TP53BP2: variants seen among roughly 807,000 people sequenced by gnomAD.
TP53BP2 encodes the protein tumor protein p53 binding protein 2.
A neutral mutation model predicts 126.2 loss-of-function variants in TP53BP2; 62 were observed. The ratio of observed to expected loss-of-function variants is 0.49; its 90% CI spans 0.40 to 0.61. The LOEUF is 0.61. Ranked by LOEUF, TP53BP2 falls within the 20% of genes least tolerant of loss-of-function variation. The pLI is 0.00. For missense variants in TP53BP2, 1,215 were observed against 1,402.8 expected, an observed-to-expected ratio of 0.87 and a Z score of 2.14; for synonymous variants, 485 against 502.9, an observed-to-expected ratio of 0.96 and a Z score of 0.48.
rs570530658 is a variant in TP53BP2, at chr1:223,799,538, C to A, written c.1485+361G>T. On this transcript the variant is annotated intron_variant, in intron 11 of 17. Coordinates refer to ENST00000343537, the MANE Select transcript of TP53BP2 (RefSeq NM_001031685.3). ...CTAACTTGGAGCACTCACACATAACCTGGTTATCAAGGATTAAGACTGTAA... is the reference window on the plus strand; with the variant it reads ...CTAACTTGGAGCACTCACACATAACATGGTTATCAAGGATTAAGACTGTAA... Among the ~76,000 whole-genome samples, 183 of 152,274 alleles carry A rather than the reference C, an allele frequency of 1.2e-3. 1 individual carries two copies. Among genetic ancestry groups the A allele is most frequent in the Middle Eastern group, 0.01 (3 of 294 alleles).
intron 1 of TP53BP2, among the ~76,000 whole-genome samples, chr1:223,837,158 G>GA (rs1227350930): frequency 1.4e-5 from 2 of 138,912 alleles, no homozygotes; most frequent in African/African-American, 5.4e-5. Context: ...AAAAAAAAGG[G>GA]GGGGGGCGGG....
intron 16 of TP53BP2, among the ~76,000 whole-genome samples, chr1:223,788,055 T>C (rs1414782575): frequency 1.3e-5 from 2 of 150,168 alleles, no homozygotes; most frequent in African/African-American, 2.5e-5. Context: ...GGTGACAGAG[T>C]GAGACCTCGC....
At chr1:223,812,413 G>A (rs950171168) in intron 3 of TP53BP2, among the ~76,000 whole-genome samples, 23 of 152,168 alleles carry the variant, frequency 1.5e-4, no homozygotes, top group African/African-American at 5.1e-4. Context: ...ACGGAGTCTC[G>A]CTCTGTCGCC....
At position 223,800,021 on chromosome 1, in the gene TP53BP2, C is replaced by T; in HGVS notation, c.1363G>A (p.Glu455Lys). The change falls in exon 11 of 18, where the codon GAG becomes AAG. Residue 455 changes from glutamate (E) to lysine (K), a missense_variant. Glu to Lys is a moderately conservative substitution (Grantham distance 56, BLOSUM62 1). This residue lies in a region of TP53BP2 where 814 missense variants were observed against 853.0 expected (regional missense o/e 0.95). Coordinates refer to ENST00000343537, the MANE Select transcript of TP53BP2 (RefSeq NM_001031685.3). ...AACGGACGCACTTTCTTCTCTTTCTCCCTCAGCGGAACCTCTCCATCATCA... is the reference window on the plus strand; with the variant it reads ...AACGGACGCACTTTCTTCTCTTTCTTCCTCAGCGGAACCTCTCCATCATCA... Reference protein sequence around the residue: ...QVDDGEVPLREKEKKVRPFSM... With the variant: ...QVDDGEVPLRKKEKKVRPFSM... The T allele has an allele frequency of 6.2e-7, 1 of 1,611,370 alleles. No individual in the cohort carries two copies. Among genetic ancestry groups the T allele is most frequent in the South Asian group, 1.1e-5 (1 of 90,512 alleles).
intron 4 of TP53BP2, among the ~76,000 whole-genome samples, chr1:223,807,839 C>G (rs1001326125): frequency 7.2e-5 from 11 of 152,092 alleles, no homozygotes; most frequent in Non-Finnish European, 1.5e-4. Context: ...ATTGGAAGCT[C>G]AATACTGTCA....
intron 15 of TP53BP2, 98 bp from the exon 16 acceptor site, chr1:223,789,272 C>T (rs1261896770): frequency 2.1e-6 from 3 of 1,406,550 alleles, no homozygotes; most frequent in African/African-American, 2.9e-5. Flanking sequence ...CTCTCATCTA[C>T]CAAGTTTTCT....
rs537424696 is a variant in TP53BP2 at position 223,836,856 on chromosome 1, C to T, written c.27+8798G>A. 1.3e-4 allele frequency among the ~76,000 whole-genome samples: 20 copies of T among 152,098 alleles called. No individual in the cohort carries two copies. The South Asian group carries it at 3.3e-3, about 25-fold the overall frequency. On this transcript the variant is annotated intron_variant, in intron 1 of 17. Transcript: ENST00000343537. ...AAGCAGCAGGATGAAAGCCCAGGTC[C>T]GTGGCTACTAAAAGCAACAAGCAAA... is the stretch of plus-strand genomic sequence containing the variant.
chr1:223,795,827 G>C lies in TP53BP2; in HGVS notation c.2712C>G (p.Val904=), dbSNP rs1662298950. 1.9e-6 allele frequency: 3 copies of C among 1,546,906 alleles called. No individual in the cohort carries two copies. Among genetic ancestry groups the C allele is most frequent in the Non-Finnish European group, 2.6e-6 (3 of 1,147,932 alleles). The change falls in exon 13 of 18, where the codon GTC becomes GTG. Residue 904 remains valine (V), a synonymous_variant. Transcript: ENST00000343537. ...GTACATTACTTACAGGAGGCAGAGA[G>C]ACCTGCCCGGTGATTTCAGGCGGGC... The part of the protein sequence containing the change: ...SMRPPEITGQ[V]SLPPGKRTNL...
chr1:223,808,760 T>C (rs1280300082), intron 4 of TP53BP2, among the ~76,000 whole-genome samples: 1 of 145,642 alleles, frequency 6.9e-6, no homozygotes, highest in East Asian at 2.0e-4. Context: ...ATCCAGACTA[T>C]TAGAACTTTC....
intron 1 of TP53BP2, among the ~76,000 whole-genome samples, chr1:223,842,842 C>G (rs1664147754): frequency 6.6e-6 from 1 of 152,194 alleles, no homozygotes; most frequent in Non-Finnish European, 1.5e-5. Context: ...GCCAAACTCT[C>G]AAAGTGCAAA....
At chr1:223,838,526 T>C (rs1663997041) in intron 1 of TP53BP2, among the ~76,000 whole-genome samples, 1 of 152,240 alleles carries the variant, frequency 6.6e-6, no homozygotes, top group Non-Finnish European at 1.5e-5. Flanking sequence ...AAGTCACTGC[T>C]GCACCATTCG....
intron 17 of TP53BP2, among the ~76,000 whole-genome samples, chr1:223,783,454 T>C (rs1193373773): frequency 6.6e-6 from 1 of 152,180 alleles, no homozygotes; most frequent in African/African-American, 2.4e-5. Context: ...AATCTCTCGA[T>C]TACCCTGATC....
chr1:223,845,575 G>C, intron 1 of TP53BP2, 79 bp downstream of exon 1: 1 of 1,414,176 alleles, frequency 7.1e-7, no homozygotes. Flanking sequence ...TCCCCGACGC[G>C]CCCGAGGGCG....
At chr1:223,845,487 G>A (rs1664236007) in intron 1 of TP53BP2, among the ~76,000 whole-genome samples, 167 bp downstream of exon 1, 1 of 152,170 alleles carries the variant, frequency 6.6e-6, no homozygotes, top group Non-Finnish European at 1.5e-5. Context: ...CCAGAGGATG[G>A]AGCCTCCCCT....
At position 223,796,562 on chromosome 1, in the gene TP53BP2, G is replaced by A. The variant is rs375368672; in HGVS notation, c.1977C>T (p.Ala659=). Residue 659 remains alanine, a synonymous_variant, in exon 13 of 18, where the codon GCC becomes GCT. Transcript: ENST00000343537. The surrounding 1 kb of genome is among the most constrained non-coding windows in gnomAD (Gnocchi z 4.2). Reference sequence around the variant, plus strand: ...TCTCTGGGTGCTGCTGTTGATTCTGGGCAGCAGCAATTACAGGCTTACCAT... The same window carrying A: ...TCTCTGGGTGCTGCTGTTGATTCTGAGCAGCAGCAATTACAGGCTTACCAT... The part of the protein sequence containing the change: ...SVYGKPVIAA[A]QNQQQHPENI... 68 of 1,611,454 alleles carry A rather than the reference G, an allele frequency of 4.2e-5. 1 individual carries two copies. The African/African-American group carries it at 5.9e-4, about 14-fold the overall frequency.
rs1013266895 is a variant in TP53BP2 at position 223,826,346 on chromosome 1, G to C, written c.28-4979C>G. 6.6e-5 allele frequency among the ~76,000 whole-genome samples: 10 copies of C among 152,142 alleles called. No homozygotes were observed. In the East Asian group the frequency reaches 7.7e-4, roughly 12 times the overall value. ...CAAGAATTCCAAAATCAATAGATCTGGGTTGGAGACTGAAAATTCTGCATT... is the reference window on the plus strand; with the variant it reads ...CAAGAATTCCAAAATCAATAGATCTCGGTTGGAGACTGAAAATTCTGCATT... On this transcript the variant is annotated intron_variant, in intron 1 of 17. Coordinates refer to ENST00000343537, the MANE Select transcript of TP53BP2 (RefSeq NM_001031685.3).
chr1:223,780,724 A>T lies in TP53BP2; in HGVS notation c.*129T>A. On this transcript the variant is annotated 3_prime_UTR_variant, in exon 18 of 18. Coordinates refer to ENST00000343537, the MANE Select transcript of TP53BP2 (RefSeq NM_001031685.3). ...TTCAATCCTTCATTCTCTTCTAGAG[A>T]CATTCTTCATCGCTTTCAAGCTACA... 2 of 833,836 alleles carry T rather than the reference A, an allele frequency of 2.4e-6. No individual in the cohort carries two copies. The highest frequency in any genetic ancestry group is 3.8e-6 in the Non-Finnish European group (2 of 524,650). The allele number at this position is 833,836 out of a possible 1,614,324, so 51.7% of individuals were successfully genotyped here.
At chr1:223,791,850 TTTATTA>T (rs967226565) in intron 15 of TP53BP2, among the ~76,000 whole-genome samples, 7 of 152,164 alleles carry the variant, frequency 4.6e-5, no homozygotes, top group African/African-American at 1.7e-4. Flanking sequence ...TATTAGGACC[TTTATTA>T]TTATTATTTA....
At chr1:223,794,883 T>C (rs1662266088) in intron 13 of TP53BP2, among the ~76,000 whole-genome samples, 1 of 152,264 alleles carries the variant, frequency 6.6e-6, no homozygotes, top group South Asian at 2.1e-4. Flanking sequence ...CTTTGAATAC[T>C]ATCATATCTA....
Sources: allele counts gnomAD v4.1 joint callset (sites outside exome capture counted in the v4.1 genomes callset), GRCh38; gene constraint gnomAD v4.1.1; regional missense constraint gnomAD v4.1.1; non-coding constraint Gnocchi (gnomAD v3.1); transcripts MANE v1.5; gene names NCBI Gene and HGNC (gene_info 2026-07-23, HGNC 2026-07-21).